The following RBMS3 variants were observed in gnomAD, a reference collection of about 807,000 sequenced individuals.
RBMS3 encodes RNA-binding motif, single-stranded-interacting protein 3.
In RBMS3, 27 loss-of-function variants were observed where a neutral mutation model predicts 66.8. That is an observed-to-expected ratio of 0.40 (90% confidence interval 0.30 to 0.56). The LOEUF (loss-of-function observed/expected upper bound fraction) is 0.56, where lower values mean the gene tolerates loss of function less well. Among genes scored for constraint, RBMS3 ranks in the 20% least tolerant of loss-of-function variants. The probability of loss-of-function intolerance (pLI) is 0.40; values close to 1 mark genes in which losing one functional copy is unlikely to be tolerated. For missense variants in RBMS3, 513 were observed against 549.5 expected (o/e 0.93, Z 0.66); for synonymous variants, 188 against 183.0 (o/e 1.03, Z -0.22).
At chr3:29,602,338 TCAGCATTTGCTGGGACA>T (rs1376443201) in intron 4 of RBMS3, among the ~76,000 whole-genome samples, 1 of 152,112 alleles carries the variant, frequency 6.6e-6, no homozygotes, top group Non-Finnish European at 1.5e-5. Context: ...GGCTCTCACC[TCAGCATTTGCTGGGACA>T]CAGGAAACCA....
At chr3:29,479,210 G>A (rs916077603) in intron 2 of RBMS3, among the ~76,000 whole-genome samples, 1 of 151,654 alleles carries the variant, frequency 6.6e-6, no homozygotes, top group African/African-American at 2.4e-5. Context: ...TAATTATGTA[G>A]GCATGAGAAT....
At chr3:29,930,109 C>CTTTCTTTCTATTTTTTTTTTTTTTTTTTT (rs71091082) in intron 10 of RBMS3, among the ~76,000 whole-genome samples, 1 of 43,556 alleles carries the variant, frequency 2.3e-5, no homozygotes, top group Non-Finnish European at 5.2e-5. Context: ...TTCTTTCTTT[C>CTTTCTTTCTATTTTTTTTTTTTTTTTTTT]TTTTTTTTTT....
intron 1 of RBMS3, among the ~76,000 whole-genome samples, chr3:29,331,580 G>T (rs2125515133): frequency 6.6e-6 from 1 of 152,100 alleles, no homozygotes; most frequent in East Asian, 1.9e-4. Context: ...TTGCTTCCAG[G>T]AAACCAGACT....
At chr3:29,509,111 G>A (rs537794512) in intron 3 of RBMS3, among the ~76,000 whole-genome samples, 3 of 151,726 alleles carry the variant, frequency 2.0e-5, no homozygotes, top group East Asian at 2.0e-4. Context: ...TTTGTCAGGT[G>A]GGTAGATTGC....
At chr3:29,715,495 A>T (rs575829138) in intron 4 of RBMS3, among the ~76,000 whole-genome samples, 2 of 152,130 alleles carry the variant, frequency 1.3e-5, no homozygotes, top group Non-Finnish European at 1.5e-5. Context: ...AGCCAAGCAG[A>T]TTAAATATAT....
At chr3:29,517,976 G>A (rs1431108044) in intron 3 of RBMS3, among the ~76,000 whole-genome samples, 2 of 152,100 alleles carry the variant, frequency 1.3e-5, no homozygotes, top group Non-Finnish European at 2.9e-5. Flanking sequence ...TGTAGCTTTT[G>A]TAAAACTGTC....
At chr3:29,510,268 C>T (rs1468982128) in intron 3 of RBMS3, among the ~76,000 whole-genome samples, 1 of 152,122 alleles carries the variant, frequency 6.6e-6, no homozygotes, top group African/African-American at 2.4e-5. Flanking sequence ...TCACCTTGTT[C>T]TAATATGTAT....
intron 3 of RBMS3, among the ~76,000 whole-genome samples, chr3:29,496,214 G>T (rs1035826458): frequency 1.9e-4 from 25 of 128,928 alleles, no homozygotes; most frequent in African/African-American, 6.1e-4. Context: ...AAAAAAAAAA[G>T]AAAAAAAGAA....
At chr3:29,709,653 A>G (rs942856910) in intron 4 of RBMS3, among the ~76,000 whole-genome samples, 2 of 152,208 alleles carry the variant, frequency 1.3e-5, no homozygotes, top group Admixed American at 6.5e-5. Context: ...GTGGTGTCCA[A>G]TATAAACAAA....
At chr3:29,620,824 T>C (rs2149153434) in intron 4 of RBMS3, among the ~76,000 whole-genome samples, 1 of 152,274 alleles carries the variant, frequency 6.6e-6, no homozygotes, top group South Asian at 2.1e-4. Flanking sequence ...ACTAGTTTAG[T>C]CTTTTTAAAA....
At chr3:29,952,904 A>G (rs1393993617) in intron 12 of RBMS3, among the ~76,000 whole-genome samples, 1 of 151,914 alleles carries the variant, frequency 6.6e-6, no homozygotes, top group African/African-American at 2.4e-5. Flanking sequence ...GAGCAGTTAC[A>G]TTAGCAAATA....
rs73831642 is a variant in RBMS3, at chr3:29,696,839, G to A, written c.400-42881G>A. The A allele has an allele frequency of 0.024, 13,023 of 535,552 alleles. 1,565 individuals are homozygous for A. The African/African-American group carries it at 0.25, about 10-fold the overall frequency. 33.2% of individuals were successfully genotyped at this position (535,552 alleles called of 1,614,324 possible). A position where few individuals can be genotyped will look rare whatever the true frequency, so the allele number is the denominator to read the frequency against. Reference sequence around the variant, plus strand: ...GGGCAACTCCAAGAGCCAGTGTAGGGTACACATCTTAGAGTCATCATACAC... The same window carrying A: ...GGGCAACTCCAAGAGCCAGTGTAGGATACACATCTTAGAGTCATCATACAC... On this transcript the variant is annotated intron_variant, in intron 4 of 14. Transcript: ENST00000383767.
chr3:29,898,338 G>A (rs183165802), intron 9 of RBMS3, among the ~76,000 whole-genome samples: 142 of 151,772 alleles, frequency 9.4e-4, no homozygotes, highest in Middle Eastern at 3.4e-3. Context: ...GAATGCAAGC[G>A]TGTGTATGCA....
At chr3:29,783,639 TA>T (rs553467462) in intron 6 of RBMS3, among the ~76,000 whole-genome samples, 12 of 151,500 alleles carry the variant, frequency 7.9e-5, no homozygotes, top group Non-Finnish European at 1.6e-4. Context: ...ATAACACAAT[TA>T]AAAAAAAGTA....
At chr3:29,846,112 G>A (rs1384759251) in intron 6 of RBMS3, among the ~76,000 whole-genome samples, 1 of 151,928 alleles carries the variant, frequency 6.6e-6, no homozygotes, top group East Asian at 1.9e-4. Context: ...ACTATTCAAG[G>A]TTTTCAAACA....
chr3:29,749,625 A>G (rs1330025497), intron 5 of RBMS3, among the ~76,000 whole-genome samples: 2 of 152,158 alleles, frequency 1.3e-5, no homozygotes. Flanking sequence ...TGAGGTCCCA[A>G]AATATCTTGA....
intron 11 of RBMS3, among the ~76,000 whole-genome samples, chr3:29,938,862 T>G (rs2061328435): frequency 6.6e-6 from 1 of 152,004 alleles, no homozygotes; most frequent in African/African-American, 2.4e-5. Flanking sequence ...CAGAACTTTC[T>G]CATTTTACAA....
intron 4 of RBMS3, among the ~76,000 whole-genome samples, chr3:29,615,788 T>G (rs895719523): frequency 6.6e-6 from 1 of 152,190 alleles, no homozygotes; most frequent in Non-Finnish European, 1.5e-5. Flanking sequence ...GATGGCAAGC[T>G]CATAACTAAA....
intron 6 of RBMS3, among the ~76,000 whole-genome samples, chr3:29,827,116 C>G (rs2058230875): frequency 1.3e-5 from 2 of 152,112 alleles, no homozygotes; most frequent in African/African-American, 4.8e-5. Flanking sequence ...AGTGCCTGAT[C>G]TGAGATGATA....
Sources: allele counts gnomAD v4.1 joint callset (sites outside exome capture counted in the v4.1 genomes callset), GRCh38; gene constraint gnomAD v4.1.1; transcripts MANE v1.5; gene names NCBI Gene and HGNC (gene_info 2026-07-23, HGNC 2026-07-21).